LCORL: variants seen among roughly 807,000 people sequenced by gnomAD.
LCORL encodes the protein ligand-dependent nuclear receptor corepressor-like protein.
Under a neutral mutation model 141.8 loss-of-function variants are expected in LCORL, and 41 were observed. The ratio of observed to expected loss-of-function variants is 0.29; its 90% confidence interval spans 0.23 to 0.38. The LOEUF (loss-of-function observed/expected upper bound fraction) is 0.38. Ranked by LOEUF, LCORL falls within the 10% of genes least tolerant of loss-of-function variation. The probability of loss-of-function intolerance (pLI) is 1.00; values close to 1 mark genes in which losing one functional copy is unlikely to be tolerated. For missense variants in LCORL, 1,759 were observed against 2,035.0 expected, an observed-to-expected ratio of 0.86 and a Z score of 2.61; for synonymous variants, 618 against 694.1, an observed-to-expected ratio of 0.89 and a Z score of 1.72.
At chr4:17,875,306 C>T in exon 7 of LCORL, 2 of 1,231,372 alleles carry the variant, frequency 1.6e-6, no homozygotes, top group Non-Finnish European at 2.0e-6. Context: ...TCTTGGAAGG[C>T]TGAGGTATCA....
At chr4:17,867,623 A>G (rs1170910123) in intron 7 of LCORL, among the ~76,000 whole-genome samples, 1 of 152,250 alleles carries the variant, frequency 6.6e-6, no homozygotes, top group Non-Finnish European at 1.5e-5. Flanking sequence ...AAAACTTGAA[A>G]TATCTTCTAG....
intron 4 of LCORL, among the ~76,000 whole-genome samples, chr4:17,943,752 T>C (rs571139228): frequency 2.6e-5 from 4 of 152,304 alleles, no homozygotes; most frequent in Admixed American, 2.0e-4. Flanking sequence ...CACAGGAATA[T>C]AAAGAATACA....
At chr4:17,876,772 C>G in exon 7 of LCORL, 4 of 1,230,742 alleles carry the variant, frequency 3.3e-6, no homozygotes, top group Non-Finnish European at 4.1e-6. Context: ...TGTTTTCCAT[C>G]TGCAGATTTC....
At chr4:17,911,917 G>GAGACCATGCAAAGTCTGAATGGCC in intron 4 of LCORL, 2 of 530,508 alleles carry the variant, frequency 3.8e-6, no homozygotes, top group Non-Finnish European at 7.2e-6. Flanking sequence ...GAACGAGGAG[G>GAGACCATGCAAAGTCTGAATGGCC]AGACCATGCA....
intron 4 of LCORL, among the ~76,000 whole-genome samples, chr4:17,941,061 A>G (rs1737862253): frequency 6.6e-6 from 1 of 152,210 alleles, no homozygotes; most frequent in Non-Finnish European, 1.5e-5. Context: ...TATCAGAAAA[A>G]GAAAACAAAT....
chr4:17,843,485 A>C, exon 8 of LCORL: 1 of 1,571,968 alleles, frequency 6.4e-7, no homozygotes, highest in Non-Finnish European at 8.7e-7. Context: ...TTAATAAAGA[A>C]GAAGTTACCC....
chr4:17,869,958 A>G (rs577596482), intron 7 of LCORL, among the ~76,000 whole-genome samples: 4 of 152,204 alleles, frequency 2.6e-5, no homozygotes, highest in South Asian at 2.1e-4. Flanking sequence ...TCTCAAATCT[A>G]TTCTTTTCAA....
chr4:17,915,021 GACACTGATGA>G (rs757356787), intron 4 of LCORL, among the ~76,000 whole-genome samples: 1 of 152,094 alleles, frequency 6.6e-6, no homozygotes, highest in Non-Finnish European at 1.5e-5. Context: ...TTTCATACTG[GACACTGATGA>G]ACATTGATGC....
At chr4:17,989,266 GTTC>G (rs1560449131) in intron 1 of LCORL, among the ~76,000 whole-genome samples, 1 of 152,150 alleles carries the variant, frequency 6.6e-6, no homozygotes, top group African/African-American at 2.4e-5. Context: ...TTACAATGAA[GTTC>G]TTCTAACATT....
chr4:17,949,140 T>C (rs569828638), intron 4 of LCORL, among the ~76,000 whole-genome samples: 2 of 152,044 alleles, frequency 1.3e-5, no homozygotes, highest in Admixed American at 1.3e-4. Context: ...CTGACAACTC[T>C]AGAATCTTAT....
At chr4:17,933,535 C>A (rs1169285153) in intron 4 of LCORL, among the ~76,000 whole-genome samples, 1 of 151,926 alleles carries the variant, frequency 6.6e-6, no homozygotes, top group African/African-American at 2.4e-5. Context: ...TTCTCCATTC[C>A]CATTTTCCTT....
At chr4:18,011,048 A>C (rs1248151382) in intron 1 of LCORL, among the ~76,000 whole-genome samples, 1 of 152,120 alleles carries the variant, frequency 6.6e-6, no homozygotes, top group African/African-American at 2.4e-5. Flanking sequence ...CTTTCAAAGG[A>C]GAACAAACCT....
intron 1 of LCORL, among the ~76,000 whole-genome samples, chr4:18,019,211 C>T (rs1358130057): frequency 1.3e-5 from 2 of 152,184 alleles, no homozygotes; most frequent in Non-Finnish European, 2.9e-5. Context: ...TGGTGGCGGA[C>T]GCCTGTAATC....
Position 17,884,155 on chromosome 4 carries a change from G to A in LCORL, c.776+1913C>T. The A allele has an allele frequency of 6.4e-7, 1 of 1,550,552 alleles. No individual in the cohort carries two copies. Among genetic ancestry groups the A allele is most frequent in the Non-Finnish European group, 8.7e-7 (1 of 1,146,268 alleles). On this transcript the variant is annotated intron_variant, in intron 6 of 7. Coordinates refer to ENST00000635767, the Ensembl canonical transcript of LCORL. The surrounding 1 kb of genome is among the most constrained non-coding windows in gnomAD (Gnocchi z 4.4). ...AACATTCTATTTTGTTCTGTTTAGG[G>A]AGTATATTTTTCAGTTTTTGGAGAG...
chr4:18,000,771 G>A (rs567641085), intron 1 of LCORL, among the ~76,000 whole-genome samples: 1 of 152,278 alleles, frequency 6.6e-6, no homozygotes, highest in East Asian at 1.9e-4. Context: ...GAGTGGGAGA[G>A]ATTAGTGACT....
At chr4:17,939,965 T>C (rs1737577259) in intron 4 of LCORL, among the ~76,000 whole-genome samples, 2 of 150,406 alleles carry the variant, frequency 1.3e-5, no homozygotes, top group South Asian at 4.2e-4. Flanking sequence ...TATACGCATA[T>C]ACACACTATA....
intron 2 of LCORL, among the ~76,000 whole-genome samples, chr4:17,966,388 CA>C (rs1265502605): frequency 6.6e-6 from 1 of 152,052 alleles, no homozygotes; most frequent in East Asian, 1.9e-4. Flanking sequence ...ATCATGCTCA[CA>C]AATTTGATAA....
chr4:17,916,959 C>G (rs141963801), intron 4 of LCORL, among the ~76,000 whole-genome samples: 72 of 152,004 alleles, frequency 4.7e-4, no homozygotes, highest in African/African-American at 1.5e-3. Flanking sequence ...TTATAGATTA[C>G]TCAACCTCAG....
intron 1 of LCORL, among the ~76,000 whole-genome samples, chr4:18,015,281 T>G (rs906780597): frequency 6.6e-6 from 1 of 152,178 alleles, no homozygotes; most frequent in African/African-American, 2.4e-5. Flanking sequence ...ATGTAGTATG[T>G]GCACAAAGAG....
Sources: allele counts gnomAD v4.1 joint callset (sites outside exome capture counted in the v4.1 genomes callset), GRCh38; gene constraint gnomAD v4.1.1; non-coding constraint Gnocchi (gnomAD v3.1); transcripts MANE v1.5; gene names NCBI Gene and HGNC (gene_info 2026-07-23, HGNC 2026-07-21).